STAG1: variants seen among roughly 807,000 people sequenced by gnomAD.
The protein encoded by STAG1 is STAG1 cohesin complex component, also known as cohesin subunit SA-1.
A neutral mutation model predicts 170.9 loss-of-function variants in STAG1; 26 were observed. That is an observed-to-expected ratio of 0.15 (90% CI 0.11 to 0.21). STAG1 has a LOEUF of 0.21. Among genes scored for constraint, STAG1 ranks in the 10% least tolerant of loss-of-function variants. STAG1 has a pLI of 1.00. For missense variants in STAG1, 964 were observed against 1,509.5 expected, an observed-to-expected ratio of 0.64 and a Z score of 5.99; for synonymous variants, 514 against 497.7, an observed-to-expected ratio of 1.03 and a Z score of -0.44.
intron 3 of STAG1, among the ~76,000 whole-genome samples, chr3:136,612,250 C>T (rs1939334547): frequency 6.6e-6 from 1 of 152,152 alleles, no homozygotes; most frequent in Non-Finnish European, 1.5e-5. Flanking sequence ...TCAACCGTAA[C>T]TGGAGTCTAA....
chr3:136,624,124 A>G (rs1174397182), intron 2 of STAG1, among the ~76,000 whole-genome samples: 1 of 151,458 alleles, frequency 6.6e-6, no homozygotes, highest in Non-Finnish European at 1.5e-5. Context: ...TTTTTGAGAC[A>G]GTCTCACTCT....
chr3:136,459,601 A>G (rs1287949537), intron 13 of STAG1, among the ~76,000 whole-genome samples: 1 of 152,212 alleles, frequency 6.6e-6, no homozygotes, highest in Admixed American at 6.5e-5. Flanking sequence ...AATATTCTCC[A>G]GGACAGGCTA....
At chr3:136,388,389 G>C (rs545728899) in intron 22 of STAG1, among the ~76,000 whole-genome samples, 1 of 152,222 alleles carries the variant, frequency 6.6e-6, no homozygotes, top group South Asian at 2.1e-4. Context: ...GTTTTTTTGA[G>C]ATGGAGTCTC....
At chr3:136,582,409 G>A (rs1218156764) in intron 4 of STAG1, among the ~76,000 whole-genome samples, 1 of 152,184 alleles carries the variant, frequency 6.6e-6, no homozygotes, top group Admixed American at 6.5e-5. Context: ...TTCTCAGAGA[G>A]CCATTAGCAA....
At chr3:136,538,530 T>A (rs1468158105) in intron 6 of STAG1, among the ~76,000 whole-genome samples, 1 of 152,006 alleles carries the variant, frequency 6.6e-6, no homozygotes, top group East Asian at 1.9e-4. Flanking sequence ...GCGATTCTCC[T>A]GCGTCAGCCA....
At chr3:136,630,111 C>T (rs1383258190) in intron 2 of STAG1, among the ~76,000 whole-genome samples, 1 of 152,134 alleles carries the variant, frequency 6.6e-6, no homozygotes, top group Non-Finnish European at 1.5e-5. Context: ...AGGAGAATCG[C>T]TTGAACCCGG....
chr3:136,413,253 TATATCGTATATTAC>T (rs2087677939), intron 21 of STAG1, among the ~76,000 whole-genome samples: 1 of 148,332 alleles, frequency 6.7e-6, no homozygotes, highest in Non-Finnish European at 1.5e-5. Context: ...ATATATAATA[TATATCGTATATTAC>T]ATATCGTATA....
chr3:136,634,409 C>T (rs1460950666), intron 1 of STAG1, among the ~76,000 whole-genome samples: 2 of 151,522 alleles, frequency 1.3e-5, no homozygotes, highest in African/African-American at 4.8e-5. Context: ...ATGGGGGGGT[C>T]CCCAATTCAT....
intron 1 of STAG1, among the ~76,000 whole-genome samples, chr3:136,647,869 C>T (rs1941085983): frequency 6.6e-6 from 1 of 152,050 alleles, no homozygotes; most frequent in African/African-American, 2.4e-5. Flanking sequence ...TACTATAATC[C>T]CAATTCTCCA....
intron 1 of STAG1, among the ~76,000 whole-genome samples, chr3:136,680,620 A>T (rs982922180): frequency 6.6e-6 from 1 of 152,066 alleles, no homozygotes; most frequent in Non-Finnish European, 1.5e-5. Flanking sequence ...TATTTCATGT[A>T]AAATTATAAA....
intron 13 of STAG1, among the ~76,000 whole-genome samples, chr3:136,461,071 C>G (rs1357673294): frequency 1.3e-5 from 2 of 152,136 alleles, no homozygotes; most frequent in Non-Finnish European, 2.9e-5. Flanking sequence ...CATCAACAGA[C>G]TGAAAGACAA....
intron 7 of STAG1, among the ~76,000 whole-genome samples, chr3:136,509,618 T>A (rs1277610707): frequency 1.3e-5 from 2 of 151,330 alleles, no homozygotes; most frequent in African/African-American, 4.9e-5. Flanking sequence ...ACAAGAAGAG[T>A]GTGAAGAACA....
intron 23 of STAG1, among the ~76,000 whole-genome samples, chr3:136,371,882 A>G (rs959744699): frequency 6.6e-6 from 1 of 152,136 alleles, no homozygotes; most frequent in Non-Finnish European, 1.5e-5. Context: ...GTTTTTTCCA[A>G]TTCTGTGAAG....
intron 13 of STAG1, among the ~76,000 whole-genome samples, chr3:136,463,799 A>G (rs2089356023): frequency 6.9e-6 from 1 of 145,000 alleles, no homozygotes; most frequent in Non-Finnish European, 1.5e-5. Context: ...ACATATACAT[A>G]TACATACATA....
At chr3:136,679,364 G>A (rs1029722619) in intron 1 of STAG1, among the ~76,000 whole-genome samples, 2 of 152,098 alleles carry the variant, frequency 1.3e-5, no homozygotes, top group African/African-American at 4.8e-5. Context: ...TGGGTTCCTT[G>A]AGGTCAGGAG....
intron 7 of STAG1, among the ~76,000 whole-genome samples, chr3:136,508,961 AACCCAG>A (rs1305062436): frequency 1.3e-5 from 2 of 152,242 alleles, no homozygotes; most frequent in Non-Finnish European, 2.9e-5. Flanking sequence ...TCTCTGGGGG[AACCCAG>A]ACTGACACAA....
At chr3:136,410,679 A>C (rs951657784) in intron 21 of STAG1, among the ~76,000 whole-genome samples, 8 of 152,210 alleles carry the variant, frequency 5.3e-5, no homozygotes, top group African/African-American at 1.9e-4. Context: ...CTTAAATGTA[A>C]AAGACTTAAA....
At chr3:136,397,650 G>A (rs939294095) in intron 22 of STAG1, among the ~76,000 whole-genome samples, 3 of 152,092 alleles carry the variant, frequency 2.0e-5, no homozygotes, top group Non-Finnish European at 2.9e-5. Context: ...CCTGTGGTAA[G>A]AGCAGGTCAT....
chr3:136,560,690 G>C (rs112930321), intron 5 of STAG1, among the ~76,000 whole-genome samples: 1 of 152,174 alleles, frequency 6.6e-6, no homozygotes. Context: ...AGAGACTACA[G>C]ACGTTTCAGC....
Sources: allele counts gnomAD v4.1 joint callset (sites outside exome capture counted in the v4.1 genomes callset), GRCh38; gene constraint gnomAD v4.1.1; transcripts MANE v1.5; gene names NCBI Gene and HGNC (gene_info 2026-07-23, HGNC 2026-07-21).